The following FANCM variants were observed in gnomAD, a reference collection of about 807,000 sequenced individuals.
The protein encoded by FANCM is FA complementation group M, also known as Fanconi anemia group M protein.
A neutral mutation model predicts 199.5 loss-of-function variants in FANCM; 140 were observed. That is an observed-to-expected ratio of 0.70 (90% confidence interval 0.61 to 0.81). FANCM has a LOEUF of 0.81. FANCM is among the 30% of genes least tolerant of loss of function. The probability of loss-of-function intolerance (pLI) is 0.00; values close to 1 mark genes in which losing one functional copy is unlikely to be tolerated. For missense variants in FANCM, 2,410 were observed against 2,421.4 expected, an observed-to-expected ratio of 1.00 and a Z score of 0.10; for synonymous variants, 840 against 836.8, an observed-to-expected ratio of 1.00 and a Z score of -0.07.
At chr14:45,148,202 C>A (rs1366106603) in intron 3 of FANCM, among the ~76,000 whole-genome samples, 5 of 136,210 alleles carry the variant, frequency 3.7e-5, no homozygotes, top group Non-Finnish European at 6.3e-5. Flanking sequence ...GTCTCAAAAA[C>A]ACACACACAC....
chr14:45,175,650 G>C lies in FANCM; in HGVS notation c.2896G>C (p.Glu966Gln), dbSNP rs762791482. The C allele has an allele frequency of 3.7e-5, 59 of 1,612,844 alleles. No homozygotes were observed. Among genetic ancestry groups the C allele is most frequent in the Non-Finnish European group, 4.7e-5 (55 of 1,179,016 alleles). Residue 966 changes from glutamate to glutamine, a missense_variant, in exon 14 of 23, where the codon GAG (glutamate) becomes CAG (glutamine). Transcript: ENST00000267430. Reference sequence around the variant, plus strand: ...TAACTTATTTCTTCCATTCGAAGAAGAGCTTTATATTGTTAGAACAGATGA... The same window carrying C: ...TAACTTATTTCTTCCATTCGAAGAACAGCTTTATATTGTTAGAACAGATGA... ...SSNLFLPFEE[E>Q]LYIVRTDDQF...
At position 45,137,297 on chromosome 14, in the gene FANCM, T is replaced by C. The variant is rs550516414; in HGVS notation, c.681+56T>C. The C allele has an allele frequency of 2.5e-5, 37 of 1,492,108 alleles. No homozygotes were observed. The African/African-American group carries it at 4.4e-4, about 18-fold the overall frequency. 92.4% of individuals were successfully genotyped at this position (1,492,108 alleles called of 1,614,324 possible). ...TGTAACTGTACTGTTAAAGAGAATT[T>C]TGGCGAATAGTTACTAGTGATGGAA... is the stretch of plus-strand genomic sequence containing the variant. On this transcript the variant is annotated intron_variant, in intron 2 of 22. Coordinates refer to ENST00000267430, the MANE Select transcript of FANCM (RefSeq NM_020937.4).
At chr14:45,148,049 T>C (rs549888176) in intron 3 of FANCM, among the ~76,000 whole-genome samples, 1 of 151,920 alleles carries the variant, frequency 6.6e-6, no homozygotes, top group South Asian at 2.1e-4. Context: ...TACAAAAAAT[T>C]AGCTGGGTGT....
chr14:45,177,100 T>C, intron 14 of FANCM, 124 bp downstream of exon 14: 1 of 646,452 alleles, frequency 1.5e-6, no homozygotes, highest in Non-Finnish European at 2.7e-6. Flanking sequence ...AATTAGATAA[T>C]TGATGTGTTA....
At chr14:45,140,763 A>C (rs935384586) in intron 3 of FANCM, 54 bp downstream of exon 3, 76 of 1,068,074 alleles carry the variant, frequency 7.1e-5, no homozygotes, top group Non-Finnish European at 1.0e-4. Context: ...GCTTTTGGCC[A>C]GGTGCAGTGA....
Position 45,175,672 on chromosome 14 carries a change from ATGAC to A in FANCM, c.2919_2922del (p.Asp974AsnfsTer8), listed in dbSNP as rs756374867. On this transcript the variant is annotated frameshift_variant, in exon 14 of 23. Transcript: ENST00000267430. LOFTEE classifies it high-confidence loss of function. ...GAAGAGCTTTATATTGTTAGAACAG[ATGAC>A]CAATTTTATAATTGTCACTCATTGA... 3 of 1,613,628 alleles carry A rather than the reference ATGAC, an allele frequency of 1.9e-6. No individual in the cohort carries two copies. The South Asian group carries it at 3.3e-5, about 18-fold the overall frequency.
At chr14:45,182,338 T>G (rs1566773989) in intron 16 of FANCM, among the ~76,000 whole-genome samples, 2 of 152,202 alleles carry the variant, frequency 1.3e-5, no homozygotes, top group African/African-American at 2.4e-5. Context: ...TTTCAAGAAG[T>G]AAAATTGGAG....
chr14:45,164,751 A>T (rs1326809966), intron 10 of FANCM, among the ~76,000 whole-genome samples, 186 bp downstream of exon 10: 1 of 152,080 alleles, frequency 6.6e-6, no homozygotes, highest in Non-Finnish European at 1.5e-5. Context: ...CAGTTTGCTA[A>T]TTTTTATCCA....
chr14:45,147,148 T>C (rs10143508), intron 3 of FANCM, among the ~76,000 whole-genome samples: 33,533 of 152,026 alleles, frequency 0.22, 5,320 homozygotes, highest in African/African-American at 0.45. Flanking sequence ...CACAAATGTA[T>C]TCTAGATTTT....
Position 45,143,817 on chromosome 14 carries a change from C to T in FANCM, c.759+3108C>T, listed in dbSNP as rs138900177. 7.7e-4 allele frequency among the ~76,000 whole-genome samples: 117 copies of T among 151,624 alleles called. 2 individuals carry two copies. The East Asian group carries it at 0.021, about 27-fold the overall frequency. On this transcript the variant is annotated intron_variant, in intron 3 of 22. Coordinates refer to ENST00000267430, the MANE Select transcript of FANCM (RefSeq NM_020937.4). The stretch of plus-strand genomic sequence containing the variant: ...CAAGCCATTCTCCTGCCTCAGCCTC[C>T]TAAGCAGCTGGGATTACAGGTGCCC...
rs532342522 is a variant in FANCM, at chr14:45,151,910, C to A, written c.1050+382C>A. ...GCCTAGGTGACAGAGTTAGACCTGT[C>A]TTAAAAAAAAAAAAAAAAAAAAAAT... On this transcript the variant is annotated intron_variant, in intron 5 of 22. Transcript: ENST00000267430. Among the ~76,000 whole-genome samples, 488 of 101,650 alleles carry A rather than the reference C, an allele frequency of 4.8e-3. 3 individuals are homozygous for A. Among genetic ancestry groups the A allele is most frequent in the Non-Finnish European group, 6.9e-3 (385 of 56,126 alleles). 66.7% of individuals were successfully genotyped at this position (101,650 alleles called of 152,430 possible).
chr14:45,135,956 T>G lies in FANCM; in HGVS notation c.-76T>G. The G allele has an allele frequency of 2.0e-6, 3 of 1,505,872 alleles. No homozygotes were observed. Among genetic ancestry groups the G allele is most frequent in the Non-Finnish European group, 2.8e-6 (3 of 1,086,334 alleles). 93.3% of individuals were successfully genotyped at this position (1,505,872 alleles called of 1,614,324 possible). ...CAGAGTTTTGTGCGAAGGAAACCGA[T>G]GGGGATCGGAACCGTAGCGGTTGAG... On this transcript the variant is annotated 5_prime_UTR_variant, in exon 1 of 23. An upstream start codon of the reference 5' UTR is lost. Coordinates refer to ENST00000267430, the MANE Select transcript of FANCM (RefSeq NM_020937.4).
intron 20 of FANCM, among the ~76,000 whole-genome samples, chr14:45,192,580 T>C (rs1889829273): frequency 6.6e-6 from 1 of 151,906 alleles, no homozygotes; most frequent in Admixed American, 6.6e-5. Context: ...GAGAGAGAGG[T>C]TGCAGTGAGC....
chr14:45,136,901 A>G (rs931760543), intron 1 of FANCM, among the ~76,000 whole-genome samples, 168 bp from the exon 2 acceptor site: 6 of 152,228 alleles, frequency 3.9e-5, no homozygotes, highest in African/African-American at 1.4e-4. Flanking sequence ...GCCAGCTTTG[A>G]TATTTGGACC....
chr14:45,182,605 A>T (rs1263010120), intron 16 of FANCM, among the ~76,000 whole-genome samples: 1 of 152,184 alleles, frequency 6.6e-6, no homozygotes, highest in Non-Finnish European at 1.5e-5. Flanking sequence ...TGATAGATGG[A>T]CAGGTCTTAA....
chr14:45,161,154 G>A (rs946722316), intron 9 of FANCM, among the ~76,000 whole-genome samples: 14 of 152,166 alleles, frequency 9.2e-5, no homozygotes, highest in African/African-American at 1.9e-4. Flanking sequence ...GTCAGGCACC[G>A]TAAGAACATT....
chr14:45,187,948 T>C (rs1381702386), intron 19 of FANCM, 61 bp downstream of exon 19: 5 of 850,364 alleles, frequency 5.9e-6, no homozygotes, highest in Non-Finnish European at 9.9e-6. Context: ...TATGTTCCTG[T>C]TAGTGAAGCC....
In FANCM at chr14:45,135,976, G is replaced by T. The variant is rs905543626; in HGVS notation, c.-56G>T. The T allele has an allele frequency of 3.8e-6, 6 of 1,595,830 alleles. No individual in the cohort carries two copies. The African/African-American group carries it at 8.0e-5, about 21-fold the overall frequency. On this transcript the variant is annotated 5_prime_UTR_variant, in exon 1 of 23. Coordinates refer to ENST00000267430, the MANE Select transcript of FANCM (RefSeq NM_020937.4). Reference sequence around the variant, plus strand: ...ACCGATGGGGATCGGAACCGTAGCGGTTGAGCTGCTGCTGCTACGGATATC... The same window carrying T: ...ACCGATGGGGATCGGAACCGTAGCGTTTGAGCTGCTGCTGCTACGGATATC...
chr14:45,169,432 C>A lies in FANCM; in HGVS notation c.2003-1157C>A, dbSNP rs143012176. Among the ~76,000 whole-genome samples the A allele has an allele frequency of 3.1e-3, 460 of 149,116 alleles. 6 individuals are homozygous for A. The highest frequency in any genetic ancestry group is 0.021 in the Admixed American group (315 of 14,932). ...TTTTATTTTTTACATTTTTAAAAAG[C>A]TTCTTACACAAGTTTGGAATACCTG... is the stretch of plus-strand genomic sequence containing the variant. On this transcript the variant is annotated intron_variant, in intron 11 of 22. Transcript: ENST00000267430.
Sources: gnomAD v4.1 joint callset for allele counts (sites outside exome capture counted in the v4.1 genomes callset) on GRCh38, gnomAD v4.1.1 for gene constraint, MANE v1.5 for transcripts, NCBI Gene and HGNC (gene_info 2026-07-23, HGNC 2026-07-21) for gene names.